The following KIF13A variants were observed in gnomAD, a reference collection of about 807,000 sequenced individuals.
KIF13A encodes kinesin family member 13A, also known as kinesin-like protein KIF13A.
In KIF13A, 79 loss-of-function variants were observed where a neutral mutation model predicts 212.2. That is an observed-to-expected ratio of 0.37 (90% CI 0.31 to 0.45). The LOEUF is 0.45. Among genes scored for constraint, KIF13A ranks in the 20% least tolerant of loss-of-function variants. The pLI is 1.00. For missense variants in KIF13A, 1,901 were observed against 2,209.0 expected, an observed-to-expected ratio of 0.86 and a Z score of 2.79; for synonymous variants, 789 against 808.6, an observed-to-expected ratio of 0.98 and a Z score of 0.41.
At chr6:17,762,604 TA>T (rs1758637857), downstream of KIF13A, among the ~76,000 whole-genome samples, 2 of 152,180 alleles carry the variant, frequency 1.3e-5, no homozygotes, top group Admixed American at 6.5e-5. Flanking sequence ...AATCTTACAG[TA>T]AAGAATTAAA....
intron 2 of KIF13A, among the ~76,000 whole-genome samples, chr6:17,953,293 C>G (rs919266966): frequency 6.6e-6 from 1 of 152,076 alleles, no homozygotes; most frequent in Non-Finnish European, 1.5e-5. Context: ...ACACGGGTAC[C>G]TGAACACACA....
chr6:17,940,825 T>TA (rs1561785210), intron 2 of KIF13A, among the ~76,000 whole-genome samples: 24 of 144,196 alleles, frequency 1.7e-4, no homozygotes, highest in African/African-American at 4.6e-4. Context: ...TTATTTTTTT[T>TA]TTTTTTTTTT....
Position 17,908,173 on chromosome 6 carries a change from C to T in KIF13A, c.147-9993G>A, listed in dbSNP as rs537180948. Among the ~76,000 whole-genome samples, 5 of 152,282 alleles carry T rather than the reference C, an allele frequency of 3.3e-5. No homozygotes were observed. In the East Asian group the frequency reaches 7.7e-4, roughly 23 times the overall value. ...CTCCACCATGTCTACAAAGATTGAA[C>T]GACTGCCCCACAGTGTGAAGGGACT... On this transcript the variant is annotated intron_variant, in intron 2 of 38. Transcript: ENST00000259711.
At chr6:17,944,841 A>T (rs1287109209) in intron 2 of KIF13A, among the ~76,000 whole-genome samples, 7 of 152,246 alleles carry the variant, frequency 4.6e-5, no homozygotes, top group Non-Finnish European at 1.5e-5. Flanking sequence ...AGCAAACAAA[A>T]TTACTATCTA....
chr6:17,975,601 C>T (rs1306943000), intron 2 of KIF13A, among the ~76,000 whole-genome samples: 2 of 152,192 alleles, frequency 1.3e-5, no homozygotes, highest in East Asian at 1.9e-4. Context: ...GCCGCTAGTT[C>T]GGGCAGCCTG....
At chr6:17,958,934 G>A (rs1361794450) in intron 2 of KIF13A, among the ~76,000 whole-genome samples, 1 of 135,510 alleles carries the variant, frequency 7.4e-6, no homozygotes, top group East Asian at 2.2e-4. Context: ...AGGCTAGAGT[G>A]CAGTAGTGCA....
chr6:17,877,322 T>C (rs971080967), intron 3 of KIF13A, among the ~76,000 whole-genome samples: 18 of 152,196 alleles, frequency 1.2e-4, no homozygotes, highest in Admixed American at 1.0e-3. Context: ...GGTTTTATAA[T>C]AACCAAGTTT....
intron 12 of KIF13A, among the ~76,000 whole-genome samples, chr6:17,832,213 ATAATG>A (rs1345947535): frequency 6.6e-6 from 1 of 152,234 alleles, no homozygotes; most frequent in Non-Finnish European, 1.5e-5. Flanking sequence ...CGTGAAATAT[ATAATG>A]TAGAGAAATT....
chr6:17,822,040 C>CCTCT, intron 16 of KIF13A: 1 of 615,942 alleles, frequency 1.6e-6, no homozygotes, highest in African/African-American at 2.3e-5. Flanking sequence ...GGAAACATAA[C>CCTCT]TTCTTTTTTT....
chr6:17,949,704 T>A (rs929235901), intron 2 of KIF13A, among the ~76,000 whole-genome samples: 6 of 152,134 alleles, frequency 3.9e-5, no homozygotes, highest in Non-Finnish European at 8.8e-5. Flanking sequence ...CACACACTTT[T>A]ACTTTTAATG....
At chr6:17,973,247 A>G (rs1425860489) in intron 2 of KIF13A, among the ~76,000 whole-genome samples, 1 of 152,284 alleles carries the variant, frequency 6.6e-6, no homozygotes, top group Non-Finnish European at 1.5e-5. Flanking sequence ...ACTGGATCCC[A>G]CAAAGAACAC....
At chr6:17,921,393 C>T (rs1421231640) in intron 2 of KIF13A, among the ~76,000 whole-genome samples, 1 of 152,212 alleles carries the variant, frequency 6.6e-6, no homozygotes, top group Non-Finnish European at 1.5e-5. Flanking sequence ...GAAAAATAGA[C>T]TCACAGTCTT....
In KIF13A at chr6:17,804,433, A is replaced by G; in HGVS notation, c.2382T>C (p.Asn794=). 1 of 1,574,234 alleles carries G rather than the reference A, an allele frequency of 6.4e-7. No individual in the cohort carries two copies. The highest frequency in any genetic ancestry group is 8.6e-7 in the Non-Finnish European group (1 of 1,158,912). ...QENHNLIGVA[N]VFLECLFCDV... ...CACAGAAGAGGCATTCCAAGAATAC[A>G]TTCGCCACCCCGATGAGGTTGTGAT... Residue 794 remains asparagine, a synonymous_variant, in exon 20 of 39, where the codon AAT becomes AAC. Transcript: ENST00000259711.
At chr6:17,908,901 G>A (rs963998858) in intron 2 of KIF13A, among the ~76,000 whole-genome samples, 1 of 152,114 alleles carries the variant, frequency 6.6e-6, no homozygotes, top group Non-Finnish European at 1.5e-5. Flanking sequence ...TTCAGGATTG[G>A]GGGTCAAACA....
chr6:17,866,878 TAC>T (rs200845112), intron 4 of KIF13A, among the ~76,000 whole-genome samples: 24 of 121,954 alleles, frequency 2.0e-4, no homozygotes, highest in Admixed American at 1.9e-3. Flanking sequence ...TATATATATT[TAC>T]ACACACACAT....
chr6:17,970,275 C>T (rs1439688623), intron 2 of KIF13A, among the ~76,000 whole-genome samples: 1 of 151,984 alleles, frequency 6.6e-6, no homozygotes, highest in Non-Finnish European at 1.5e-5. Flanking sequence ...GTTTTTGATC[C>T]ATTTATTCAA....
In KIF13A at chr6:17,787,952, T is replaced by G; in HGVS notation, c.3262-77A>C. 2 of 860,714 alleles carry G rather than the reference T, an allele frequency of 2.3e-6. No homozygotes were observed. The highest frequency in any genetic ancestry group is 3.8e-6 in the Non-Finnish European group (2 of 520,942). 53.3% of individuals were successfully genotyped at this position (860,714 alleles called of 1,614,324 possible). A position where few individuals can be genotyped will look rare whatever the true frequency, so the allele number is the denominator to read the frequency against. ...TCTTTCTTTCTTTTTTTAAAAGATG[T>G]TTAAATCAACTAGGAAATTTTTCAT... On this transcript the variant is annotated intron_variant, in intron 26 of 38. Transcript: ENST00000259711. This position sits in a 1 kb window ranked among gnomAD's most constrained non-coding sequence, Gnocchi z 4.6.
chr6:17,846,950 T>C (rs1166808437), intron 9 of KIF13A, among the ~76,000 whole-genome samples: 1 of 152,210 alleles, frequency 6.6e-6, no homozygotes, highest in African/African-American at 2.4e-5. Flanking sequence ...CTTGGTGACC[T>C]GGGAGACATC....
chr6:17,793,033 G>A (rs1405347432), intron 25 of KIF13A, among the ~76,000 whole-genome samples: 2 of 152,080 alleles, frequency 1.3e-5, no homozygotes, highest in Non-Finnish European at 2.9e-5. Context: ...GTAAACTGGG[G>A]ACTCAATGAA....
Sources: gnomAD v4.1 joint callset for allele counts (sites outside exome capture counted in the v4.1 genomes callset) on GRCh38, gnomAD v4.1.1 for gene constraint, Gnocchi (gnomAD v3.1) non-coding constraint, MANE v1.5 for transcripts, NCBI Gene and HGNC (gene_info 2026-07-23, HGNC 2026-07-21) for gene names.